PRKDC: variants seen among roughly 807,000 people sequenced by gnomAD.
The protein encoded by PRKDC is DNA-dependent protein kinase catalytic subunit.
PRKDC carries 82 observed loss-of-function variants against 486.9 expected under a neutral mutation model. The observed-to-expected ratio is 0.17, with a 90% CI of 0.14 to 0.20. The LOEUF (loss-of-function observed/expected upper bound fraction) is 0.20, where lower values mean the gene tolerates loss of function less well. PRKDC is among the 10% of genes least tolerant of loss of function. PRKDC has a pLI of 1.00. For synonymous variants in PRKDC, 1,895 were observed against 1,837.0 expected, an observed-to-expected ratio of 1.03 and a Z score of -0.81; for missense variants, 4,504 against 5,038.2, an observed-to-expected ratio of 0.89 and a Z score of 3.21.
intron 26 of PRKDC, among the ~76,000 whole-genome samples, chr8:47,903,390 G>A (rs936112739): frequency 6.6e-6 from 1 of 152,202 alleles, no homozygotes; most frequent in African/African-American, 2.4e-5. Context: ...GATCTACAAA[G>A]GAAAAGTTTA....
chr8:47,836,248 C>G (rs1240275391), intron 58 of PRKDC, 90 bp downstream of exon 58: 23 of 1,257,038 alleles, frequency 1.8e-5, no homozygotes, highest in Non-Finnish European at 2.3e-5. Flanking sequence ...TCCCTTACTT[C>G]TCTCACAAAA....
rs761669059 is a variant in PRKDC, at chr8:47,820,845, G to C, written c.9210C>G (p.His3070Gln). The C allele has an allele frequency of 2.2e-5, 36 of 1,612,926 alleles. No homozygotes were observed. Among genetic ancestry groups the C allele is most frequent in the Non-Finnish European group, 2.9e-5 (34 of 1,179,350 alleles). ...CTAGAATCGCCTTCTGGAGCTCCCCGTGCATAGCTTTGTCAATAAATGTCA... is the reference window on the plus strand; with the variant it reads ...CTAGAATCGCCTTCTGGAGCTCCCCCTGCATAGCTTTGTCAATAAATGTCA... ...SLLTFIDKAM[H>Q]GELQKAILEL... The change falls in exon 66 of 86, where the codon CAC becomes CAG. Residue 3070 changes from histidine (H) to glutamine (Q), a missense_variant. Physicochemically the swap from His to Gln is conservative, Grantham distance 24 (BLOSUM62 0). Coordinates refer to ENST00000314191, the MANE Select transcript of PRKDC (RefSeq NM_006904.7).
In PRKDC at chr8:47,947,121, C is replaced by A. The variant is rs140531227; in HGVS notation, c.722-3092G>T. Among the ~76,000 whole-genome samples, 541 of 152,326 alleles carry A rather than the reference C, an allele frequency of 3.6e-3. 3 individuals are homozygous for A. Among genetic ancestry groups the A allele is most frequent in the African/African-American group, 0.012 (507 of 41,570 alleles). On this transcript the variant is annotated intron_variant, in intron 7 of 85. Coordinates refer to ENST00000314191, the MANE Select transcript of PRKDC (RefSeq NM_006904.7). Reference sequence around the variant, plus strand: ...GCTCTTGTGGACCCTCGGACCACTGCACGCAGGCTAAGCACAGGGCTAGAG... The same window carrying A: ...GCTCTTGTGGACCCTCGGACCACTGAACGCAGGCTAAGCACAGGGCTAGAG...
intron 57 of PRKDC, 46 bp from the exon 58 acceptor site, chr8:47,836,573 A>G (rs1323426396): frequency 1.4e-6 from 2 of 1,479,064 alleles, no homozygotes; most frequent in Admixed American, 4.0e-5. Flanking sequence ...CAAATGAAAT[A>G]ATGCTCCTTT....
intron 50 of PRKDC, among the ~76,000 whole-genome samples, chr8:47,854,430 C>T (rs2154500397): frequency 6.6e-6 from 1 of 152,262 alleles, no homozygotes; most frequent in East Asian, 1.9e-4. Flanking sequence ...GCTCTGCCCC[C>T]TGGGTTCACG....
intron 52 of PRKDC, among the ~76,000 whole-genome samples, chr8:47,850,173 C>T (rs894384323): frequency 3.9e-5 from 6 of 152,132 alleles, no homozygotes; most frequent in Non-Finnish European, 8.8e-5. Context: ...CAGTAGAGTC[C>T]ACTGGCAGGA....
chr8:47,868,692 G>T (rs2088873876), intron 40 of PRKDC, among the ~76,000 whole-genome samples: 1 of 152,150 alleles, frequency 6.6e-6, no homozygotes, highest in Admixed American at 6.5e-5. Flanking sequence ...GTATAAAAAA[G>T]CACTTTCATA....
At chr8:47,833,898 T>C (rs1043319424) in intron 59 of PRKDC, among the ~76,000 whole-genome samples, 1 of 152,196 alleles carries the variant, frequency 6.6e-6, no homozygotes, top group Admixed American at 6.5e-5. Flanking sequence ...CCCTAGACCA[T>C]GCTTGCTAAT....
At chr8:47,817,249 G>C (rs979483710) in intron 68 of PRKDC, among the ~76,000 whole-genome samples, 2 of 152,076 alleles carry the variant, frequency 1.3e-5, no homozygotes, top group Non-Finnish European at 1.5e-5. Context: ...CGACAGCAGC[G>C]TCCCCACAGG....
rs1425852262 is a variant in PRKDC, at chr8:47,899,126, CATCTTATTTTG to C, written c.3365-568_3365-558del. Among the ~76,000 whole-genome samples, 8 of 152,320 alleles carry C rather than the reference CATCTTATTTTG, an allele frequency of 5.3e-5. No individual in the cohort carries two copies. The South Asian group carries it at 1.7e-3, about 32-fold the overall frequency. On this transcript the variant is annotated intron_variant, in intron 28 of 85. Transcript: ENST00000314191. ...AATTATTTAGGAAAGGAGCCTTATA[CATCTTATTTTG>C]ACCTGTGTCACCAAGAAAAAGTTTT... is the stretch of plus-strand genomic sequence containing the variant.
chr8:47,818,218 T>C (rs1245157496), intron 67 of PRKDC, among the ~76,000 whole-genome samples: 1 of 152,146 alleles, frequency 6.6e-6, no homozygotes, highest in African/African-American at 2.4e-5. Context: ...CTTAGGCAAG[T>C]CATTCAATCT....
intron 67 of PRKDC, among the ~76,000 whole-genome samples, chr8:47,818,652 G>C (rs1396575976): frequency 6.7e-6 from 1 of 150,204 alleles, no homozygotes; most frequent in Non-Finnish European, 1.5e-5. Flanking sequence ...AAAGTAGAAT[G>C]CACTTAATAA....
At chr8:47,929,548 G>A (rs1156637418) in intron 18 of PRKDC, among the ~76,000 whole-genome samples, 1 of 152,202 alleles carries the variant, frequency 6.6e-6, no homozygotes, top group Non-Finnish European at 1.5e-5. Context: ...GGGCAGCAGA[G>A]ACCTGCCCCC....
At chr8:47,953,477 G>C (rs2090657715) in intron 7 of PRKDC, 143 bp downstream of exon 7, 1 of 769,438 alleles carries the variant, frequency 1.3e-6, no homozygotes, top group Non-Finnish European at 2.2e-6. Flanking sequence ...GGGGAACTCG[G>C]GAGGGCCCAC....
intron 27 of PRKDC, 101 bp downstream of exon 27, chr8:47,902,468 T>G: frequency 1.2e-6 from 1 of 805,832 alleles, no homozygotes; most frequent in Non-Finnish European, 1.8e-6. Context: ...ACATAATTAC[T>G]TACTAAATGC....
intron 71 of PRKDC, among the ~76,000 whole-genome samples, chr8:47,800,576 T>C (rs1406948697): frequency 1.3e-5 from 2 of 150,876 alleles, no homozygotes; most frequent in African/African-American, 2.4e-5. Context: ...ACCTGCACAT[T>C]GTGCACATGT....
At chr8:47,775,217 T>A (rs8178259) in intron 85 of PRKDC, among the ~76,000 whole-genome samples, 2,893 of 150,792 alleles carry the variant, frequency 0.019, 37 homozygotes, top group African/African-American at 0.023. Context: ...ATAAATAAAT[T>A]AATTAATTAA....
chr8:47,856,378 G>A (rs1398358803), intron 49 of PRKDC, among the ~76,000 whole-genome samples: 2 of 152,060 alleles, frequency 1.3e-5, no homozygotes, highest in East Asian at 1.9e-4. Context: ...TAGACATGCA[G>A]CACCATGTCC....
Position 47,858,981 on chromosome 8 carries a change from C to T in PRKDC, c.6213G>A (p.Gln2071=). The change falls in exon 47 of 86, where the codon CAG becomes CAA. Residue 2071 remains glutamine, a synonymous_variant. Transcript: ENST00000314191. ...CATCATCATGCACCGTGGGGTCCCG[C>T]TGCTCCTGCGAAAGGGAGGGCCCAG... The part of the protein sequence containing the change: ...PATGRFRRRE[Q]RDPTVHDDVL... 3 of 1,612,724 alleles carry T rather than the reference C, an allele frequency of 1.9e-6. No individual in the cohort carries two copies. Among genetic ancestry groups the T allele is most frequent in the Non-Finnish European group, 2.5e-6 (3 of 1,179,864 alleles).
Sources: allele counts gnomAD v4.1 joint callset (sites outside exome capture counted in the v4.1 genomes callset), GRCh38; gene constraint gnomAD v4.1.1; transcripts MANE v1.5; gene names NCBI Gene and HGNC (gene_info 2026-07-23, HGNC 2026-07-21).